Variants in PDE4A observed in about 807,000 individuals in gnomAD.
PDE4A encodes 3',5'-cyclic-AMP phosphodiesterase 4A.
In PDE4A, 21 loss-of-function variants were observed where a neutral mutation model predicts 73.9. That is an observed-to-expected ratio of 0.28 (90% CI 0.20 to 0.41). PDE4A has a LOEUF of 0.41. Among genes scored for constraint, PDE4A ranks in the 10% least tolerant of loss-of-function variants. The pLI, the probability that PDE4A is intolerant of heterozygous loss-of-function variation, is 1.00. For missense variants in PDE4A, 958 were observed against 1,211.4 expected (o/e 0.79, Z 3.10); for synonymous variants, 463 against 505.4 (o/e 0.92, Z 1.13).
At chr19:10,443,297 G>T (rs1280524141) in intron 1 of PDE4A, among the ~76,000 whole-genome samples, 1 of 152,120 alleles carries the variant, frequency 6.6e-6, no homozygotes, top group South Asian at 2.1e-4. Context: ...AAGGCAGGTG[G>T]ATCACTTGAG....
upstream of PDE4A, chr19:10,417,294 G>T (rs1466406732): frequency 6.1e-6 from 6 of 985,012 alleles, no homozygotes; most frequent in Non-Finnish European, 7.2e-6. Flanking sequence ...TGAGGGATGG[G>T]AGGGGGGCAT....
intron 1 of PDE4A, among the ~76,000 whole-genome samples, chr19:10,432,180 G>GA (rs1172474051): frequency 8.0e-6 from 1 of 124,932 alleles, no homozygotes; most frequent in Non-Finnish European, 1.6e-5. Flanking sequence ...AGGAGACGGG[G>GA]GGGGGGGGGG....
rs1229939628 is a variant in PDE4A, at chr19:10,468,705, A to C, written c.*1084A>C. 6.6e-6 allele frequency: 1 copy of C among 151,398 alleles called. No homozygotes were observed. The allele number at this position is 151,398 out of a possible 1,614,324, so 9.4% of individuals were successfully genotyped here. On this transcript the variant is annotated 3_prime_UTR_variant, in exon 15 of 15. Coordinates refer to ENST00000380702, the MANE Select transcript of PDE4A (RefSeq NM_001111307.2). ...CCCCCTACCTTTTGCCCTAGGAGGA[A>C]GCAATAATGGTGTATACCCTCATTC...
At chr19:10,418,538 G>C (rs113927495), upstream of PDE4A, among the ~76,000 whole-genome samples, 6 of 151,818 alleles carry the variant, frequency 4.0e-5, no homozygotes, top group Non-Finnish European at 7.4e-5. Context: ...GGGTTCCAGG[G>C]TCTCTGTTTC....
chr19:10,459,879 T>G, intron 10 of PDE4A, 120 bp downstream of exon 10: 1 of 1,192,836 alleles, frequency 8.4e-7, no homozygotes, highest in South Asian at 1.6e-5. Context: ...GCCATTTCTC[T>G]CTCTTTTTTT....
chr19:10,429,262 G>T (rs2042756759), intron 1 of PDE4A, among the ~76,000 whole-genome samples: 1 of 142,464 alleles, frequency 7.0e-6, no homozygotes, highest in Non-Finnish European at 1.5e-5. Context: ...GGAAAGGAAA[G>T]GAAAGAAGGA....
rs2042635823 is a variant in PDE4A at position 10,420,554 on chromosome 19, T to G, written c.-211T>G. ...GAGCGCGGAGAGCGCCGCCGGGCAC[T>G]GAGCAGAGCTCCAGGCGCCGAAAGG... On this transcript the variant is annotated 5_prime_UTR_variant, in exon 1 of 15. Transcript: ENST00000380702. The surrounding 1 kb of genome is among the most constrained non-coding windows in gnomAD (Gnocchi z 6.0). 4.2e-6 allele frequency: 5 copies of G among 1,195,686 alleles called. No homozygotes were observed. The highest frequency in any genetic ancestry group is 3.3e-4 in the Middle Eastern group (1 of 3,046). The allele number at this position is 1,195,686 out of a possible 1,614,324, so 74.1% of individuals were successfully genotyped here. A position where few individuals can be genotyped will look rare whatever the true frequency, so the allele number is the denominator to read the frequency against.
At chr19:10,459,882 C>CTT in intron 10 of PDE4A, 123 bp downstream of exon 10, 20 of 1,058,320 alleles carry the variant, frequency 1.9e-5, no homozygotes, top group Admixed American at 3.2e-5. Flanking sequence ...ATTTCTCTCT[C>CTT]TTTTTTTTTT....
At chr19:10,417,728 C>T, upstream of PDE4A, 3 of 1,590,920 alleles carry the variant, frequency 1.9e-6, no homozygotes, top group South Asian at 2.2e-5. Context: ...GCCCTCGCCG[C>T]CGCCTCTCGT....
chr19:10,427,024 G>A (rs150373332), intron 1 of PDE4A, among the ~76,000 whole-genome samples: 1,783 of 152,114 alleles, frequency 0.012, 34 homozygotes, highest in African/African-American at 0.041. Context: ...GGTAAGGGCC[G>A]GGCGCAGTGG....
chr19:10,463,154 ATCTTGGTT>A (rs1462737305), intron 13 of PDE4A, among the ~76,000 whole-genome samples: 1 of 146,288 alleles, frequency 6.8e-6, no homozygotes, highest in Non-Finnish European at 1.5e-5. Context: ...GAGGGCACGG[ATCTTGGTT>A]CCCTGCAAAC....
At chr19:10,465,626 A>G (rs550928159) in intron 14 of PDE4A, among the ~76,000 whole-genome samples, 2 of 145,264 alleles carry the variant, frequency 1.4e-5, no homozygotes, top group Non-Finnish European at 3.0e-5. Context: ...AATTTTATAC[A>G]CTTTATAACG....
upstream of PDE4A, chr19:10,416,810 G>T: frequency 6.6e-7 from 1 of 1,520,760 alleles, no homozygotes; most frequent in Non-Finnish European, 8.8e-7. Flanking sequence ...AAGTGGCGGG[G>T]GCGGGTTCTA....
At chr19:10,442,651 T>C (rs188689601) in intron 1 of PDE4A, among the ~76,000 whole-genome samples, 73 of 151,964 alleles carry the variant, frequency 4.8e-4, no homozygotes, top group African/African-American at 1.7e-3. Context: ...AGTTACAGAC[T>C]ATCCTGGGCA....
chr19:10,460,755 G>C (rs1210369384), intron 10 of PDE4A, among the ~76,000 whole-genome samples: 3 of 149,280 alleles, frequency 2.0e-5, no homozygotes, highest in African/African-American at 7.5e-5. Flanking sequence ...CCAAGATCGT[G>C]CCACTGCATT....
At chr19:10,434,982 C>T (rs570335368) in intron 1 of PDE4A, among the ~76,000 whole-genome samples, 1 of 151,244 alleles carries the variant, frequency 6.6e-6, no homozygotes, top group South Asian at 2.1e-4. Flanking sequence ...CCTCTGCTTC[C>T]CAGGCTCAAG....
chr19:10,432,497 G>A (rs1320083023), intron 1 of PDE4A: 8 of 1,513,782 alleles, frequency 5.3e-6, no homozygotes, highest in South Asian at 1.3e-5. Context: ...TGCCCCCCAC[G>A]GGCCCCGAGT....
chr19:10,431,137 C>A, intron 1 of PDE4A: 4 of 1,281,844 alleles, frequency 3.1e-6, no homozygotes, highest in South Asian at 3.1e-5. Context: ...GGCCACCTGG[C>A]GCACTCCAGG....
intron 1 of PDE4A, chr19:10,421,343 G>C: frequency 1.0e-6 from 1 of 985,168 alleles, no homozygotes; most frequent in Non-Finnish European, 1.2e-6. Flanking sequence ...CTGGGTTGGG[G>C]AAGGGGGCTG....
Sources: allele counts gnomAD v4.1 joint callset (sites outside exome capture counted in the v4.1 genomes callset), GRCh38; gene constraint gnomAD v4.1.1; non-coding constraint Gnocchi (gnomAD v3.1); transcripts MANE v1.5; gene names NCBI Gene and HGNC (gene_info 2026-07-23, HGNC 2026-07-21).